KHDRBS2: variants seen among roughly 807,000 people sequenced by gnomAD.
KHDRBS2 encodes the protein KH RNA binding domain containing, signal transduction associated 2.
Under a neutral mutation model 44.3 loss-of-function variants are expected in KHDRBS2, and 26 were observed. The ratio of observed to expected loss-of-function variants is 0.59; its 90% CI spans 0.43 to 0.81. The LOEUF is 0.81. Ranked by LOEUF, KHDRBS2 falls within the 40% of genes least tolerant of loss-of-function variation. The probability of loss-of-function intolerance (pLI) is 0.00; values close to 1 mark genes in which losing one functional copy is unlikely to be tolerated. For synonymous variants in KHDRBS2, 194 were observed against 151.1 expected (o/e 1.28, Z -2.08); for missense variants, 476 against 433.1 (o/e 1.10, Z -0.88).
chr6:61,791,132 CT>C (rs1051028710), intron 6 of KHDRBS2, among the ~76,000 whole-genome samples: 1 of 151,204 alleles, frequency 6.6e-6, no homozygotes, highest in East Asian at 1.9e-4. Flanking sequence ...TGAGTTTTCC[CT>C]TTTTTTATTA....
intron 3 of KHDRBS2, 63 bp downstream of exon 3, chr6:62,047,815 T>C (rs1343191071): frequency 4.2e-6 from 4 of 956,754 alleles, no homozygotes; most frequent in Non-Finnish European, 5.1e-6. Context: ...GCTTGTAAAT[T>C]TGGCCTTCAG....
chr6:62,268,916 A>C (rs1839636362), intron 1 of KHDRBS2, among the ~76,000 whole-genome samples: 1 of 152,092 alleles, frequency 6.6e-6, no homozygotes, highest in Non-Finnish European at 1.5e-5. Flanking sequence ...AAACACTATA[A>C]AATTTATTTT....
At chr6:61,567,771 C>G in the KHDRBS2 span, among the ~76,000 whole-genome samples, 1 of 151,950 alleles carries the variant, frequency 6.6e-6, no homozygotes, top group Non-Finnish European at 1.5e-5. Flanking sequence ...TTCCCTTTCT[C>G]TTTTTCTACC....
chr6:62,128,663 G>A (rs1708401498), intron 2 of KHDRBS2, among the ~76,000 whole-genome samples: 1 of 100,654 alleles, frequency 9.9e-6, no homozygotes, highest in South Asian at 3.0e-4. Flanking sequence ...TAAGTCAACT[G>A]CTTTAATTTT....
intron 6 of KHDRBS2, among the ~76,000 whole-genome samples, chr6:61,821,995 T>C (rs138305080): frequency 1.3e-5 from 2 of 152,108 alleles, no homozygotes; most frequent in Admixed American, 1.3e-4. Context: ...TGAATTCCCT[T>C]GAATGTGTTT....
chr6:62,101,831 CTTCT>C (rs1801970089), intron 2 of KHDRBS2, among the ~76,000 whole-genome samples: 2 of 152,280 alleles, frequency 1.3e-5, no homozygotes, highest in South Asian at 4.1e-4. Flanking sequence ...ACATGACTTT[CTTCT>C]TTATTTCTGC....
intron 1 of KHDRBS2, among the ~76,000 whole-genome samples, chr6:62,208,473 T>C (rs141585720): frequency 1.8e-4 from 28 of 152,278 alleles, no homozygotes; most frequent in African/African-American, 6.3e-4. Context: ...TCTTTATCTA[T>C]TTGTGCACTG....
At chr6:61,967,889 T>TAC (rs1376903832) in intron 4 of KHDRBS2, among the ~76,000 whole-genome samples, 45 of 118,240 alleles carry the variant, frequency 3.8e-4, no homozygotes, top group Middle Eastern at 4.3e-3. Context: ...CACACAAACA[T>TAC]ACACACACAC....
intron 6 of KHDRBS2, among the ~76,000 whole-genome samples, chr6:61,888,009 T>C (rs932115121): frequency 2.0e-5 from 3 of 152,196 alleles, no homozygotes; most frequent in Non-Finnish European, 4.4e-5. Context: ...CAGGTTTTCA[T>C]AAAATATGCT....
intron 2 of KHDRBS2, among the ~76,000 whole-genome samples, chr6:62,059,805 C>T (rs1791300227): frequency 6.6e-6 from 1 of 151,382 alleles, no homozygotes; most frequent in Non-Finnish European, 1.5e-5. Flanking sequence ...AGGAAAGAAA[C>T]TTGAGGAACA....
the KHDRBS2 span, among the ~76,000 whole-genome samples, chr6:61,644,071 T>A: frequency 3.9e-5 from 6 of 152,146 alleles, no homozygotes; most frequent in Middle Eastern, 3.2e-3. Context: ...AGGGCTATAG[T>A]AACCAAAACA....
chr6:62,052,314 A>AT (rs1187278534), intron 2 of KHDRBS2, among the ~76,000 whole-genome samples: 1 of 151,920 alleles, frequency 6.6e-6, no homozygotes, highest in African/African-American at 2.4e-5. Flanking sequence ...AGACCTTGCC[A>AT]TTTTTGCCAC....
chr6:62,090,377 C>G (rs1173710805), intron 2 of KHDRBS2, among the ~76,000 whole-genome samples: 1 of 152,078 alleles, frequency 6.6e-6, no homozygotes, highest in East Asian at 1.9e-4. Flanking sequence ...TACTCATTAT[C>G]AACTAGTATG....
At chr6:62,280,162 A>G (rs1841597584) in intron 1 of KHDRBS2, among the ~76,000 whole-genome samples, 1 of 152,216 alleles carries the variant, frequency 6.6e-6, no homozygotes, top group South Asian at 2.1e-4. Context: ...AGTTTGGTAT[A>G]CCTGAGAGAA....
At chr6:62,210,840 T>A (rs1828922617) in intron 1 of KHDRBS2, among the ~76,000 whole-genome samples, 1 of 152,072 alleles carries the variant, frequency 6.6e-6, no homozygotes, top group Non-Finnish European at 1.5e-5. Context: ...AGAGTTACCC[T>A]CTAAAATAAA....
intron 1 of KHDRBS2, among the ~76,000 whole-genome samples, chr6:62,207,911 A>G (rs929591279): frequency 7.9e-5 from 12 of 152,124 alleles, no homozygotes; most frequent in African/African-American, 2.9e-4. Flanking sequence ...TTTTGACAAG[A>G]GCAACTAAAA....
intron 6 of KHDRBS2, among the ~76,000 whole-genome samples, chr6:61,884,984 A>T (rs1272371044): frequency 6.6e-6 from 1 of 152,128 alleles, no homozygotes; most frequent in Non-Finnish European, 1.5e-5. Context: ...AAAATTATGT[A>T]TCCATAGTTG....
intron 3 of KHDRBS2, among the ~76,000 whole-genome samples, chr6:62,025,647 T>C (rs2127285324): frequency 6.6e-6 from 1 of 152,138 alleles, no homozygotes; most frequent in South Asian, 2.1e-4. Flanking sequence ...TTTAATACTT[T>C]TTTTGGTAGT....
intron 3 of KHDRBS2, among the ~76,000 whole-genome samples, chr6:62,036,807 A>G (rs1372522837): frequency 1.3e-5 from 2 of 151,974 alleles, no homozygotes; most frequent in Non-Finnish European, 2.9e-5. Context: ...CATGGGCAAC[A>G]ATATATTACA....
Sources: gnomAD v4.1 joint callset for allele counts (sites outside exome capture counted in the v4.1 genomes callset) on GRCh38, gnomAD v4.1.1 for gene constraint, MANE v1.5 for transcripts, NCBI Gene and HGNC (gene_info 2026-07-23, HGNC 2026-07-21) for gene names.